LRRC75A: variants seen among roughly 807,000 people sequenced by gnomAD.
The protein encoded by LRRC75A is leucine rich repeat containing 75A.
Under a neutral mutation model 26.0 loss-of-function variants are expected in LRRC75A, and 12 were observed. That is an observed-to-expected ratio of 0.46 (90% CI 0.30 to 0.75). The LOEUF (loss-of-function observed/expected upper bound fraction) is 0.75. Among genes scored for constraint, LRRC75A ranks in the 30% least tolerant of loss-of-function variants. LRRC75A has a pLI of 0.08. For synonymous variants in LRRC75A, 223 were observed against 219.3 expected (o/e 1.02, Z -0.15); for missense variants, 410 against 486.6 (o/e 0.84, Z 1.48).
intron 1 of LRRC75A, among the ~76,000 whole-genome samples, chr17:16,475,867 T>G (rs1025140115): frequency 2.0e-5 from 3 of 151,820 alleles, no homozygotes; most frequent in African/African-American, 7.3e-5. Flanking sequence ...GTCAACATGG[T>G]GAAACTCCCT....
Position 16,491,681 on chromosome 17 carries a change from G to T in LRRC75A, c.246+64C>A. The T allele has an allele frequency of 1.7e-6, 2 of 1,151,270 alleles. No individual in the cohort carries two copies. Among genetic ancestry groups the T allele is most frequent in the Non-Finnish European group, 2.2e-6 (2 of 908,520 alleles). The allele number at this position is 1,151,270 out of a possible 1,614,324, so 71.3% of individuals were successfully genotyped here. Reference sequence around the variant, plus strand: ...CGGCTTCCTCGGTTAGGGATGGGGCGCCCCCCCCGGCCCAGCACGCCCCCT... The same window carrying T: ...CGGCTTCCTCGGTTAGGGATGGGGCTCCCCCCCCGGCCCAGCACGCCCCCT... On this transcript the variant is annotated intron_variant, in intron 1 of 3. Transcript: ENST00000470794. The surrounding 1 kb of genome is among the most constrained non-coding windows in gnomAD (Gnocchi z 5.9).
At chr17:16,470,285 TTG>T (rs2093800524) in intron 1 of LRRC75A, 1 of 152,120 alleles carries the variant, frequency 6.6e-6, no homozygotes, top group South Asian at 2.1e-4. Flanking sequence ...TAGCTTTCAT[TTG>T]TCTCTCTCCT....
intron 1 of LRRC75A, among the ~76,000 whole-genome samples, chr17:16,485,669 T>TGTG (rs1555893680): frequency 1.6e-4 from 18 of 114,228 alleles, no homozygotes; most frequent in African/African-American, 3.5e-4. Flanking sequence ...TGTGTGTGTG[T>TGTG]TCGTGTGTGT....
rs1471702938 is a variant in LRRC75A at position 16,441,908 on chromosome 17, A to G, written c.*1680T>C. ...ATGAATTGACTTTCATAAATTGGTT[A>G]TGTTGGTGGGCAAAGTTCTTTAAGC... On this transcript the variant is annotated 3_prime_UTR_variant, in exon 4 of 4. Transcript: ENST00000470794. 1 of 13,454 alleles carries G rather than the reference A, an allele frequency of 7.4e-5. No individual in the cohort carries two copies. Among genetic ancestry groups the G allele is most frequent in the East Asian group, 2.7e-3 (1 of 376 alleles). 0.8% of individuals were successfully genotyped at this position (13,454 alleles called of 1,614,324 possible). A position where few individuals can be genotyped will look rare whatever the true frequency, so the allele number is the denominator to read the frequency against.
intron 2 of LRRC75A, among the ~76,000 whole-genome samples, chr17:16,457,046 C>T (rs995335440): frequency 1.3e-5 from 2 of 152,134 alleles, no homozygotes; most frequent in South Asian, 4.1e-4. Context: ...GGAAAGATGA[C>T]GTGCTGACCT....
At chr17:16,486,865 G>A (rs1364402748) in intron 1 of LRRC75A, among the ~76,000 whole-genome samples, 6 of 152,248 alleles carry the variant, frequency 3.9e-5, no homozygotes, top group Admixed American at 6.5e-5. Flanking sequence ...CAGTTGCACA[G>A]CCGTAGCTGG....
chr17:16,472,215 C>T (rs908805315), intron 1 of LRRC75A, among the ~76,000 whole-genome samples: 9 of 151,994 alleles, frequency 5.9e-5, no homozygotes, highest in African/African-American at 2.2e-4. Context: ...GCCCTCTGGC[C>T]CCCTGTGACT....
chr17:16,484,650 C>T (rs2093842265), intron 1 of LRRC75A, among the ~76,000 whole-genome samples: 1 of 152,084 alleles, frequency 6.6e-6, no homozygotes, highest in African/African-American at 2.4e-5. Flanking sequence ...GCTTCTCACC[C>T]AGGGAAGGGA....
At chr17:16,474,211 C>T (rs1305763117) in intron 1 of LRRC75A, among the ~76,000 whole-genome samples, 1 of 152,098 alleles carries the variant, frequency 6.6e-6, no homozygotes, top group Non-Finnish European at 1.5e-5. Context: ...CACTGTGTGG[C>T]CCTGGGCAAG....
rs1396348646 is a variant in LRRC75A, at chr17:16,491,068, G to T, written c.246+677C>A. On this transcript the variant is annotated intron_variant, in intron 1 of 3. Coordinates refer to ENST00000470794, the MANE Select transcript of LRRC75A (RefSeq NM_001113567.3). The surrounding 1 kb of genome is among the most constrained non-coding windows in gnomAD (Gnocchi z 5.9). ...GCCAGTGGGACAGGCACAGGCTAAGGACAGAGTCCTGGCAGTCTCCTGAAG... is the reference window on the plus strand; with the variant it reads ...GCCAGTGGGACAGGCACAGGCTAAGTACAGAGTCCTGGCAGTCTCCTGAAG... 6.6e-6 allele frequency among the ~76,000 whole-genome samples: 1 copy of T among 152,250 alleles called. No homozygotes were observed. Among genetic ancestry groups the T allele is most frequent in the East Asian group, 1.9e-4 (1 of 5,202 alleles).
chr17:16,471,530 G>A (rs1369291464), intron 1 of LRRC75A, among the ~76,000 whole-genome samples: 1 of 152,210 alleles, frequency 6.6e-6, no homozygotes, highest in Non-Finnish European at 1.5e-5. Context: ...CCTCAGCCAA[G>A]AGCACAGCTG....
In LRRC75A at chr17:16,447,743, A is replaced by ACCCC. The variant is rs2093597899; in HGVS notation, c.491+98_491+101dup. On this transcript the variant is annotated intron_variant, in intron 3 of 3. Transcript: ENST00000470794. ...CCTCCTTCAGGCAGCTTCTATGACC[A>ACCCC]CCCCCCATGACTCCGCCCTTCCCTT... is the stretch of plus-strand genomic sequence containing the variant. 4 of 852,256 alleles carry ACCCC rather than the reference A, an allele frequency of 4.7e-6. No homozygotes were observed. The African/African-American group carries it at 5.2e-5, about 11-fold the overall frequency. 52.8% of individuals were successfully genotyped at this position (852,256 alleles called of 1,614,324 possible).
At chr17:16,447,561 G>A (rs1408743503) in intron 3 of LRRC75A, among the ~76,000 whole-genome samples, 1 of 152,160 alleles carries the variant, frequency 6.6e-6, no homozygotes, top group Non-Finnish European at 1.5e-5. Context: ...GCCTCCCAAA[G>A]TGCTGGGATT....
intron 2 of LRRC75A, among the ~76,000 whole-genome samples, chr17:16,449,216 G>A (rs2093611425): frequency 6.6e-6 from 1 of 152,186 alleles, no homozygotes; most frequent in Admixed American, 6.5e-5. Flanking sequence ...TGCCTGGAGT[G>A]GGTGCTCAAC....
intron 1 of LRRC75A, among the ~76,000 whole-genome samples, chr17:16,480,589 A>G (rs1363150081): frequency 6.8e-6 from 1 of 146,824 alleles, no homozygotes; most frequent in Non-Finnish European, 1.5e-5. Flanking sequence ...AGATTGCACC[A>G]CTGCACTCTA....
chr17:16,472,566 A>C (rs1947170752), intron 1 of LRRC75A, among the ~76,000 whole-genome samples: 1 of 152,130 alleles, frequency 6.6e-6, no homozygotes, highest in African/African-American at 2.4e-5. Context: ...CAAAAGTGCC[A>C]CAGTTACACA....
At chr17:16,461,393 CAG>C (rs1324939389) in intron 2 of LRRC75A, 2 of 152,460 alleles carry the variant, frequency 1.3e-5, no homozygotes, top group East Asian at 3.9e-4. Context: ...AGGGATGAGA[CAG>C]AAAAAAACCA....
chr17:16,491,609 C>A lies in LRRC75A; in HGVS notation c.246+136G>T, dbSNP rs2093857349. 1.8e-6 allele frequency: 1 copy of A among 547,138 alleles called. No individual in the cohort carries two copies. Among genetic ancestry groups the A allele is most frequent in the Non-Finnish European group, 2.7e-6 (1 of 369,608 alleles). The allele number at this position is 547,138 out of a possible 1,614,324, so 33.9% of individuals were successfully genotyped here. A position where few individuals can be genotyped will look rare whatever the true frequency, so the allele number is the denominator to read the frequency against. Reference sequence around the variant, plus strand: ...CCGAGGCACCTGCTGCCAGACAGGGCTCCATCCCCGCGGAAGGGGCCCCTG... The same window carrying A: ...CCGAGGCACCTGCTGCCAGACAGGGATCCATCCCCGCGGAAGGGGCCCCTG... On this transcript the variant is annotated intron_variant, in intron 1 of 3. Coordinates refer to ENST00000470794, the MANE Select transcript of LRRC75A (RefSeq NM_001113567.3). This position sits in a 1 kb window ranked among gnomAD's most constrained non-coding sequence, Gnocchi z 5.9.
At chr17:16,455,893 T>C (rs1422366709) in intron 2 of LRRC75A, among the ~76,000 whole-genome samples, 2 of 152,184 alleles carry the variant, frequency 1.3e-5, no homozygotes, top group African/African-American at 4.8e-5. Flanking sequence ...AGTGTTTCTA[T>C]CATTTACAAC....
Sources: gnomAD v4.1 joint callset for allele counts (sites outside exome capture counted in the v4.1 genomes callset) on GRCh38, gnomAD v4.1.1 for gene constraint, Gnocchi (gnomAD v3.1) non-coding constraint, MANE v1.5 for transcripts, NCBI Gene and HGNC (gene_info 2026-07-23, HGNC 2026-07-21) for gene names.